The following MARCHF6 variants were observed in gnomAD, a reference collection of about 807,000 sequenced individuals.
The protein encoded by MARCHF6 is E3 ubiquitin-protein ligase MARCHF6.
MARCHF6 carries 31 observed loss-of-function variants against 133.7 expected under a neutral mutation model. The observed-to-expected ratio is 0.23, with a 90% CI of 0.17 to 0.31. The LOEUF is 0.31. MARCHF6 is among the 10% of genes least tolerant of loss of function. The pLI is 1.00. For synonymous variants in MARCHF6, 395 were observed against 402.5 expected, an observed-to-expected ratio of 0.98 and a Z score of 0.22; for missense variants, 723 against 1,121.6, an observed-to-expected ratio of 0.64 and a Z score of 5.08.
Position 10,417,398 on chromosome 5 carries a change from A to G in MARCHF6, c.2277A>G (p.Pro759=), listed in dbSNP as rs1331226830. 2.5e-6 allele frequency: 4 copies of G among 1,613,452 alleles called. No individual in the cohort carries two copies. Among genetic ancestry groups the G allele is most frequent in the Middle Eastern group, 1.7e-4 (1 of 6,052 alleles). The change falls in exon 22 of 26, where the codon CCA becomes CCG. Residue 759 remains proline, a synonymous_variant. Coordinates refer to ENST00000274140, the MANE Select transcript of MARCHF6 (RefSeq NM_005885.4). The stretch of plus-strand genomic sequence containing the variant: ...TGGATCAGACTCCTCTTTTTTATCC[A>G]TGGCAGGTAAATGTATGTCTTTTGC... ...VPLDQTPLFY[P]WQDWALGVLH...
At chr5:10,432,631 T>G (rs1319932097) in intron 25 of MARCHF6, among the ~76,000 whole-genome samples, 1 of 152,232 alleles carries the variant, frequency 6.6e-6, no homozygotes, top group Non-Finnish European at 1.5e-5. Context: ...TCTCCTTGAG[T>G]AGGATCTCCT....
intron 5 of MARCHF6, among the ~76,000 whole-genome samples, chr5:10,387,434 C>G (rs539494283): frequency 6.6e-5 from 10 of 151,810 alleles, no homozygotes; most frequent in Non-Finnish European, 1.5e-5. Context: ...TCCAGAGTAG[C>G]TGGGATTACA....
chr5:10,439,338 A>T lies in MARCHF6; in HGVS notation c.*5654A>T, dbSNP rs1467075090. ...GGATTATAGTTCCCCAAAACTGTAT[A>T]ATTTCTAGAAGACAACAAGGAAAAC... On this transcript the variant is annotated 3_prime_UTR_variant, in exon 26 of 26. Coordinates refer to ENST00000274140, the MANE Select transcript of MARCHF6 (RefSeq NM_005885.4). The T allele has an allele frequency of 1.3e-5, 2 of 152,242 alleles. No individual in the cohort carries two copies. Among genetic ancestry groups the T allele is most frequent in the African/African-American group, 4.8e-5 (2 of 41,466 alleles). The allele number at this position is 152,242 out of a possible 1,614,324, so 9.4% of individuals were successfully genotyped here. A position where few individuals can be genotyped will look rare whatever the true frequency, so the allele number is the denominator to read the frequency against.
chr5:10,385,835 A>G (rs1737433068), intron 4 of MARCHF6, among the ~76,000 whole-genome samples: 1 of 152,232 alleles, frequency 6.6e-6, no homozygotes, highest in South Asian at 2.1e-4. Flanking sequence ...AAATCAGTAG[A>G]TGAAATAGGC....
At chr5:10,382,366 CTG>C (rs1236340186) in intron 4 of MARCHF6, among the ~76,000 whole-genome samples, 1 of 149,278 alleles carries the variant, frequency 6.7e-6, no homozygotes, top group Non-Finnish European at 1.5e-5. Flanking sequence ...AACATGGAGA[CTG>C]AGGCAGGAGA....
At chr5:10,382,468 C>CAAA (rs550904656) in intron 4 of MARCHF6, among the ~76,000 whole-genome samples, 1 of 74,340 alleles carries the variant, frequency 1.3e-5, no homozygotes, top group Admixed American at 1.6e-4. Context: ...CTTTGTCTCG[C>CAAA]AAAAAAAAAA....
intron 1 of MARCHF6, among the ~76,000 whole-genome samples, chr5:10,376,524 AT>A (rs1384609626): frequency 2.0e-4 from 31 of 152,228 alleles, no homozygotes; most frequent in Admixed American, 6.5e-4. Flanking sequence ...TCCGGACACA[AT>A]TTGACTGGTA....
chr5:10,429,168 C>G (rs1019987774), intron 24 of MARCHF6, among the ~76,000 whole-genome samples: 1 of 152,090 alleles, frequency 6.6e-6, no homozygotes, highest in Non-Finnish European at 1.5e-5. Flanking sequence ...CTGAATTCCT[C>G]GAAAGTACTT....
At position 10,433,665 on chromosome 5, in the gene MARCHF6, C is replaced by A. The variant is rs774440964; in HGVS notation, c.2714C>A (p.Pro905Gln). The change falls in exon 26 of 26, where the codon CCA (proline) becomes CAA (glutamine). Residue 905 changes from proline (P) to glutamine (Q), a missense_variant. Physicochemically the swap from Pro to Gln is moderately conservative, Grantham distance 76. Transcript: ENST00000274140. Reference protein sequence around the residue: ...SGKQGSSPPPPQSSQE With the variant: ...SGKQGSSPPPQQSSQE The stretch of plus-strand genomic sequence containing the variant: ...AAACAAGGCTCATCTCCACCACCTC[C>A]ACAGTCATCCCAAGAATAAAGTAGT... The A allele has an allele frequency of 2.5e-6, 4 of 1,614,186 alleles. No homozygotes were observed. The East Asian group carries it at 8.9e-5, about 36-fold the overall frequency.
At chr5:10,379,547 G>A (rs143712620) in intron 3 of MARCHF6, among the ~76,000 whole-genome samples, 1 of 151,526 alleles carries the variant, frequency 6.6e-6, no homozygotes, top group African/African-American at 2.4e-5. Context: ...TGCAAGCTCC[G>A]CCTCCCGGGT....
At chr5:10,402,966 T>A (rs1010885605) in intron 14 of MARCHF6, among the ~76,000 whole-genome samples, 1 of 152,194 alleles carries the variant, frequency 6.6e-6, no homozygotes, top group South Asian at 2.1e-4. Flanking sequence ...ATCATTTGAT[T>A]TAACTAATAT....
chr5:10,376,474 G>C (rs1736786879), intron 1 of MARCHF6, among the ~76,000 whole-genome samples: 1 of 152,242 alleles, frequency 6.6e-6, no homozygotes, highest in Non-Finnish European at 1.5e-5. Context: ...AGGGTCCGCG[G>C]CTTCATTCTT....
intron 7 of MARCHF6, among the ~76,000 whole-genome samples, chr5:10,393,785 A>C: frequency 6.6e-6 from 1 of 152,244 alleles, no homozygotes; most frequent in East Asian, 1.9e-4. Flanking sequence ...CAAATCTGCC[A>C]GATTCTTTCC....
chr5:10,409,341 G>C (rs1025734030), intron 17 of MARCHF6, among the ~76,000 whole-genome samples: 4 of 152,232 alleles, frequency 2.6e-5, no homozygotes, highest in Non-Finnish European at 5.9e-5. Context: ...AAGACCTGAG[G>C]GGGTGACAGT....
intron 16 of MARCHF6, 128 bp downstream of exon 16, chr5:10,405,805 C>A: frequency 1.4e-6 from 1 of 725,042 alleles, no homozygotes; most frequent in African/African-American, 1.9e-5. Context: ...TTATCTAAGC[C>A]TGTGGTATTC....
intron 19 of MARCHF6, among the ~76,000 whole-genome samples, chr5:10,413,859 G>T (rs1739361538): frequency 6.6e-6 from 1 of 152,160 alleles, no homozygotes; most frequent in Non-Finnish European, 1.5e-5. Context: ...ACAATTCAAG[G>T]TGAGATTTGA....
At chr5:10,398,533 A>T (rs1233593309) in intron 10 of MARCHF6, among the ~76,000 whole-genome samples, 1 of 150,848 alleles carries the variant, frequency 6.6e-6, no homozygotes, top group South Asian at 2.1e-4. Flanking sequence ...TTTATTTTTC[A>T]TTATGTAAAA....
chr5:10,413,865 T>C (rs906687285), intron 19 of MARCHF6, among the ~76,000 whole-genome samples: 2 of 152,192 alleles, frequency 1.3e-5, no homozygotes, highest in Admixed American at 6.5e-5. Context: ...CAAGGTGAGA[T>C]TTGAGTGGGG....
chr5:10,368,875 G>A (rs912398916), intron 1 of MARCHF6, among the ~76,000 whole-genome samples: 10 of 152,010 alleles, frequency 6.6e-5, no homozygotes, highest in Non-Finnish European at 1.5e-4. Flanking sequence ...GCCCAGCCAG[G>A]AGTTTGAGGC....
Sources: gnomAD v4.1 joint callset for allele counts (sites outside exome capture counted in the v4.1 genomes callset) on GRCh38, gnomAD v4.1.1 for gene constraint, MANE v1.5 for transcripts, NCBI Gene and HGNC (gene_info 2026-07-23, HGNC 2026-07-21) for gene names.